RGS6: variants seen among roughly 807,000 people sequenced by gnomAD.
The protein encoded by RGS6 is regulator of G-protein signaling 6.
Under a neutral mutation model 78.5 loss-of-function variants are expected in RGS6, and 30 were observed. The ratio of observed to expected loss-of-function variants is 0.38; its 90% CI spans 0.29 to 0.52. The LOEUF is 0.52. Ranked by LOEUF, RGS6 falls within the 20% of genes least tolerant of loss-of-function variation. The pLI is 0.85. For synonymous variants in RGS6, 206 were observed against 206.0 expected, an observed-to-expected ratio of 1.00 and a Z score of 0.00; for missense variants, 495 against 609.7, an observed-to-expected ratio of 0.81 and a Z score of 1.98.
chr14:72,494,773 T>C (rs1040556290), intron 12 of RGS6, among the ~76,000 whole-genome samples: 1 of 152,210 alleles, frequency 6.6e-6, no homozygotes, highest in Non-Finnish European at 1.5e-5. Context: ...GTAGTGTCTT[T>C]TGTGTGTTCC....
rs371078940 is a variant in RGS6 at position 72,035,293 on chromosome 14, T to C, written c.84+70418T>C. On this transcript the variant is annotated intron_variant, in intron 2 of 17. Transcript: ENST00000553525. ...CAATTTACTGGCATATGCTTATTCA[T>C]AGCAATATATTATAATCCTTTTTAT... Among the ~76,000 whole-genome samples, 31 of 61,648 alleles carry C rather than the reference T, an allele frequency of 5.0e-4. No homozygotes were observed. In the East Asian group the frequency reaches 6.5e-3, roughly 13 times the overall value. The allele number at this position is 61,648 out of a possible 152,430, so 40.4% of individuals were successfully genotyped here.
the RGS6 span, among the ~76,000 whole-genome samples, chr14:72,581,765 C>G: frequency 6.6e-6 from 1 of 152,234 alleles, no homozygotes; most frequent in Admixed American, 6.5e-5. Context: ...ACCCCAAGAG[C>G]CTTCTCTCTC....
At chr14:72,085,275 G>GT (rs2094982301) in intron 2 of RGS6, among the ~76,000 whole-genome samples, 1 of 152,158 alleles carries the variant, frequency 6.6e-6, no homozygotes, top group African/African-American at 2.4e-5. Context: ...TATTTTAATC[G>GT]TATTAGGTGA....
intron 1 of RGS6, among the ~76,000 whole-genome samples, chr14:71,952,990 T>C (rs899954671): frequency 2.6e-5 from 4 of 152,188 alleles, no homozygotes; most frequent in Non-Finnish European, 5.9e-5. Flanking sequence ...TCTCTGTCAC[T>C]CCCACTTCTT....
At chr14:72,266,563 T>C (rs2059100037) in intron 2 of RGS6, among the ~76,000 whole-genome samples, 1 of 152,214 alleles carries the variant, frequency 6.6e-6, no homozygotes, top group Non-Finnish European at 1.5e-5. Context: ...AACTGTCTCA[T>C]AAGTTTTTGG....
chr14:72,086,885 G>A lies in RGS6; in HGVS notation c.84+122010G>A, dbSNP rs1426844537. On this transcript the variant is annotated intron_variant, in intron 2 of 17. Transcript: ENST00000553525. Reference sequence around the variant, plus strand: ...AAAAGCGAGTTTTCCTCTTGATTCAGTTTCTAACCAGTCAGCTAAATGGTC... The same window carrying A: ...AAAAGCGAGTTTTCCTCTTGATTCAATTTCTAACCAGTCAGCTAAATGGTC... Among the ~76,000 whole-genome samples the A allele has an allele frequency of 2.0e-5, 3 of 152,246 alleles. No homozygotes were observed. In the East Asian group the frequency reaches 5.8e-4, roughly 29 times the overall value.
the RGS6 span, among the ~76,000 whole-genome samples, chr14:72,614,514 G>A: frequency 6.6e-6 from 1 of 152,068 alleles, no homozygotes; most frequent in African/African-American, 2.4e-5. Flanking sequence ...CAGGGGCCTG[G>A]GGGCCTGACC....
chr14:72,374,640 A>G (rs1259601446), intron 3 of RGS6, among the ~76,000 whole-genome samples: 1 of 152,252 alleles, frequency 6.6e-6, no homozygotes, highest in African/African-American at 2.4e-5. Flanking sequence ...AGATAAAAAC[A>G]AAAGTCACTG....
intron 3 of RGS6, among the ~76,000 whole-genome samples, chr14:72,391,852 C>T (rs746942050): frequency 1.3e-5 from 2 of 152,096 alleles, no homozygotes; most frequent in Admixed American, 6.5e-5. Context: ...TGCGGTGTTT[C>T]GTTTTCTGTC....
At chr14:72,595,672 G>A in the RGS6 span, among the ~76,000 whole-genome samples, 1 of 152,186 alleles carries the variant, frequency 6.6e-6, no homozygotes, top group Non-Finnish European at 1.5e-5. Context: ...TGGTGCCTGT[G>A]TTTACACTTC....
intron 17 of RGS6, among the ~76,000 whole-genome samples, chr14:72,548,038 T>A (rs74637406): frequency 0.05 from 7,677 of 152,110 alleles, 269 homozygotes; most frequent in East Asian, 0.12. Flanking sequence ...GTTTGCCCCT[T>A]TGTAGGTGAA....
chr14:72,123,507 G>A (rs1223624891), intron 2 of RGS6, among the ~76,000 whole-genome samples: 4 of 152,072 alleles, frequency 2.6e-5, no homozygotes, highest in Non-Finnish European at 2.9e-5. Context: ...TTTAATGGGG[G>A]GACCAAACAC....
At chr14:72,487,736 C>T (rs1415039860) in intron 12 of RGS6, among the ~76,000 whole-genome samples, 1 of 152,190 alleles carries the variant, frequency 6.6e-6, no homozygotes, top group Non-Finnish European at 1.5e-5. Flanking sequence ...CCTGCTGACA[C>T]CTTGATTTTA....
At chr14:72,044,106 A>G (rs1182536231) in intron 2 of RGS6, among the ~76,000 whole-genome samples, 1 of 152,150 alleles carries the variant, frequency 6.6e-6, no homozygotes, top group African/African-American at 2.4e-5. Context: ...GCCCATCAAA[A>G]ACATTCTTCA....
At chr14:72,006,615 C>T (rs1049194226) in intron 2 of RGS6, among the ~76,000 whole-genome samples, 1 of 152,204 alleles carries the variant, frequency 6.6e-6, no homozygotes, top group African/African-American at 2.4e-5. Flanking sequence ...GTATTACAGG[C>T]CTGGCCATCA....
chr14:72,052,021 C>T (rs2093278822), intron 2 of RGS6, among the ~76,000 whole-genome samples: 2 of 152,082 alleles, frequency 1.3e-5, no homozygotes, highest in African/African-American at 4.8e-5. Context: ...CTGCTAGGTA[C>T]CTGTGCAAAC....
In RGS6 at chr14:72,562,656, C is replaced by G; in HGVS notation, c.*189C>G. 1 of 1,536,014 alleles carries G rather than the reference C, an allele frequency of 6.5e-7. No homozygotes were observed. The highest frequency in any genetic ancestry group is 8.7e-7 in the Non-Finnish European group (1 of 1,146,866). The stretch of plus-strand genomic sequence containing the variant: ...GGGGAGACCAGAAAGAAAGAGTCCA[C>G]AGAGCCTGGGCTGGGCCCGGTGGAG... On this transcript the variant is annotated 3_prime_UTR_variant, in exon 18 of 18. Coordinates refer to ENST00000553525, the MANE Select transcript of RGS6 (RefSeq NM_001204424.2).
At chr14:72,446,582 T>C (rs1286249366) in intron 3 of RGS6, among the ~76,000 whole-genome samples, 1 of 152,138 alleles carries the variant, frequency 6.6e-6, no homozygotes, top group Non-Finnish European at 1.5e-5. Flanking sequence ...GGACCAGGGT[T>C]GTGGGGGATG....
chr14:72,527,236 G>A (rs2097130531), intron 15 of RGS6, among the ~76,000 whole-genome samples: 1 of 152,202 alleles, frequency 6.6e-6, no homozygotes, highest in Non-Finnish European at 1.5e-5. Context: ...CCTTCTACTA[G>A]GATGACTCAG....
Sources: allele counts gnomAD v4.1 joint callset (sites outside exome capture counted in the v4.1 genomes callset), GRCh38; gene constraint gnomAD v4.1.1; transcripts MANE v1.5; gene names NCBI Gene and HGNC (gene_info 2026-07-23, HGNC 2026-07-21).